Variants in TASP1 observed in about 807,000 individuals in gnomAD.
TASP1 encodes the protein taspase 1, also known as threonine aspartase 1.
TASP1 carries 16 observed loss-of-function variants against 56.6 expected under a neutral mutation model. The ratio of observed to expected loss-of-function variants is 0.28; its 90% CI spans 0.19 to 0.43. TASP1 has a LOEUF of 0.43. Ranked by LOEUF, TASP1 falls within the 20% of genes least tolerant of loss-of-function variation. The pLI is 1.00. For missense variants in TASP1, 393 were observed against 511.6 expected (o/e 0.77, Z 2.24); for synonymous variants, 179 against 184.2 (o/e 0.97, Z 0.23).
chr20:13,617,558 TG>T (rs936812966), intron 4 of TASP1, among the ~76,000 whole-genome samples: 1 of 152,096 alleles, frequency 6.6e-6, no homozygotes, highest in Non-Finnish European at 1.5e-5. Context: ...TCAGCTCTAC[TG>T]GGGGGCAGGG....
the TASP1 span, among the ~76,000 whole-genome samples, chr20:13,237,405 A>G: frequency 6.6e-6 from 1 of 152,226 alleles, no homozygotes; most frequent in Non-Finnish European, 1.5e-5. Flanking sequence ...ACAAATGACA[A>G]CTATATGCAA....
chr20:13,326,300 C>T, the TASP1 span, among the ~76,000 whole-genome samples: 1 of 152,102 alleles, frequency 6.6e-6, no homozygotes, highest in African/African-American at 2.4e-5. Context: ...TTTATGTGCA[C>T]CTAAGATTTC....
intron 4 of TASP1, among the ~76,000 whole-genome samples, chr20:13,594,986 G>T (rs2047673997): frequency 1.3e-5 from 2 of 152,074 alleles, no homozygotes; most frequent in African/African-American, 4.8e-5. Flanking sequence ...GAAATGTCAG[G>T]TTACCCACAA....
chr20:13,473,297 T>C (rs997616447), intron 11 of TASP1, among the ~76,000 whole-genome samples: 8 of 129,612 alleles, frequency 6.2e-5, no homozygotes, highest in East Asian at 4.6e-4. Context: ...TGAGAACACA[T>C]GGACACAGGA....
At chr20:13,439,261 G>T (rs934870651) in intron 11 of TASP1, among the ~76,000 whole-genome samples, 2 of 152,154 alleles carry the variant, frequency 1.3e-5, no homozygotes, top group Admixed American at 6.5e-5. Context: ...CAACCCAAAT[G>T]TCCATCAATG....
At chr20:13,320,604 T>A in the TASP1 span, among the ~76,000 whole-genome samples, 21 of 152,286 alleles carry the variant, frequency 1.4e-4, no homozygotes, top group African/African-American at 4.8e-4. Context: ...AAAGTAACCA[T>A]GGCTCAAATA....
intron 1 of TASP1, among the ~76,000 whole-genome samples, chr20:13,636,345 A>G (rs1320977245): frequency 7.0e-6 from 1 of 142,602 alleles, no homozygotes; most frequent in Admixed American, 7.1e-5. Context: ...TTTTTAGTAG[A>G]GACGGGGTTT....
chr20:13,633,231 AT>A (rs1258185455), intron 1 of TASP1, among the ~76,000 whole-genome samples: 7 of 152,174 alleles, frequency 4.6e-5, no homozygotes, highest in African/African-American at 1.7e-4. Context: ...GAAATAACTA[AT>A]TTTTTAAGGT....
chr20:13,436,304 G>A (rs942093947), intron 11 of TASP1, among the ~76,000 whole-genome samples: 2 of 150,784 alleles, frequency 1.3e-5, no homozygotes, highest in Non-Finnish European at 2.9e-5. Context: ...GTCCTGCTAA[G>A]AATGCCATTA....
At chr20:13,232,958 G>A in the TASP1 span, among the ~76,000 whole-genome samples, 1 of 152,070 alleles carries the variant, frequency 6.6e-6, no homozygotes, top group African/African-American at 2.4e-5. Flanking sequence ...AAGTGATGGT[G>A]GTGACAGACA....
chr20:13,605,199 A>G (rs2048104364), intron 4 of TASP1, among the ~76,000 whole-genome samples: 1 of 151,958 alleles, frequency 6.6e-6, no homozygotes, highest in African/African-American at 2.4e-5. Flanking sequence ...TTCACTGTGG[A>G]TAGGTATGAG....
At chr20:13,168,235 G>A in the TASP1 span, 1 of 146,580 alleles carries the variant, frequency 6.8e-6, no homozygotes, top group African/African-American at 2.5e-5. Context: ...CCAGGCTATA[G>A]TGCAATGGCA....
intron 11 of TASP1, among the ~76,000 whole-genome samples, chr20:13,448,018 G>A (rs1325695012): frequency 6.6e-6 from 1 of 152,040 alleles, no homozygotes; most frequent in Admixed American, 6.6e-5. Flanking sequence ...AGGCTTCTGT[G>A]TTGGCAGTTT....
the TASP1 span, chr20:13,164,898 T>G: frequency 6.4e-7 from 1 of 1,572,642 alleles, no homozygotes; most frequent in Non-Finnish European, 8.7e-7. Context: ...ACATAAAGAC[T>G]TTGCGAGAAA....
the TASP1 span, among the ~76,000 whole-genome samples, chr20:13,276,549 C>T: frequency 1.3e-5 from 2 of 152,174 alleles, no homozygotes; most frequent in Non-Finnish European, 2.9e-5. Flanking sequence ...AAAGAGTTCC[C>T]TTTCTTTTAT....
At chr20:13,143,073 C>G in the TASP1 span, among the ~76,000 whole-genome samples, 3 of 152,188 alleles carry the variant, frequency 2.0e-5, no homozygotes, top group African/African-American at 4.8e-5. Flanking sequence ...TCTCTGTGAT[C>G]ATCTGCTTCA....
intron 10 of TASP1, among the ~76,000 whole-genome samples, 195 bp downstream of exon 10, chr20:13,528,238 A>G (rs1020089915): frequency 3.3e-5 from 5 of 149,792 alleles, no homozygotes; most frequent in Non-Finnish European, 7.5e-5. Flanking sequence ...AAAAAAAAAA[A>G]AAAAAAGAAA....
At chr20:13,156,190 C>T in the TASP1 span, among the ~76,000 whole-genome samples, 1 of 152,136 alleles carries the variant, frequency 6.6e-6, no homozygotes, top group Non-Finnish European at 1.5e-5. Flanking sequence ...CAAAAGAAGG[C>T]ACTGAAAATA....
chr20:13,346,237 T>A, the TASP1 span, among the ~76,000 whole-genome samples: 136 of 152,308 alleles, frequency 8.9e-4, no homozygotes, highest in Non-Finnish European at 1.3e-3. Context: ...TAAAGGCCAC[T>A]ACTTTTCTGC....
Sources: allele counts gnomAD v4.1 joint callset (sites outside exome capture counted in the v4.1 genomes callset), GRCh38; gene constraint gnomAD v4.1.1; transcripts MANE v1.5; gene names NCBI Gene and HGNC (gene_info 2026-07-23, HGNC 2026-07-21).